ABI3BP: variants seen among roughly 807,000 people sequenced by gnomAD.
ABI3BP encodes the protein ABI family member 3 binding protein.
In ABI3BP, 216 loss-of-function variants were observed where a neutral mutation model predicts 268.6. The observed-to-expected ratio is 0.80, with a 90% CI of 0.72 to 0.90. The LOEUF (loss-of-function observed/expected upper bound fraction) is 0.90, where lower values mean the gene tolerates loss of function less well. Ranked by LOEUF, ABI3BP falls within the 40% of genes least tolerant of loss-of-function variation. The pLI, the probability that ABI3BP is intolerant of heterozygous loss-of-function variation, is 0.00. For synonymous variants in ABI3BP, 730 were observed against 730.0 expected, an observed-to-expected ratio of 1.00 and a Z score of 0.00; for missense variants, 2,090 against 2,182.4, an observed-to-expected ratio of 0.96 and a Z score of 0.84.
At chr3:100,844,917 A>T (rs1234445953) in intron 20 of ABI3BP, among the ~76,000 whole-genome samples, 3 of 152,202 alleles carry the variant, frequency 2.0e-5, no homozygotes, top group Non-Finnish European at 1.5e-5. Context: ...TTACAATGAT[A>T]AAAATATAAC....
At chr3:100,787,869 T>C in intron 56 of ABI3BP, 67 bp from the exon 57 acceptor site, 1 of 1,214,290 alleles carries the variant, frequency 8.2e-7, no homozygotes, top group African/African-American at 1.5e-5. Flanking sequence ...AAAAACAAAA[T>C]TTCTCAGAGA....
At chr3:100,912,310 A>C (rs1477895336) in intron 2 of ABI3BP, 1 of 155,668 alleles carries the variant, frequency 6.4e-6, no homozygotes, top group Non-Finnish European at 1.4e-5. Context: ...AAAAACAGAC[A>C]ACATAAAATG....
intron 1 of ABI3BP, among the ~76,000 whole-genome samples, chr3:100,934,354 T>G (rs9841117): frequency 0.12 from 17,650 of 152,196 alleles, 1,161 homozygotes; most frequent in Middle Eastern, 0.19. Context: ...GGTATATATG[T>G]GCCACATTTT....
At chr3:100,931,849 A>G (rs964554910) in intron 1 of ABI3BP, among the ~76,000 whole-genome samples, 2 of 152,058 alleles carry the variant, frequency 1.3e-5, no homozygotes, top group Non-Finnish European at 2.9e-5. Context: ...GAACTAGAAA[A>G]AACTATTCTA....
intron 1 of ABI3BP, among the ~76,000 whole-genome samples, chr3:100,968,564 T>C (rs890993066): frequency 3.4e-5 from 5 of 148,700 alleles, no homozygotes; most frequent in African/African-American, 1.2e-4. Context: ...GTTGAAATCT[T>C]GGTCTGTATC....
intron 54 of ABI3BP, among the ~76,000 whole-genome samples, chr3:100,794,503 T>G (rs1394171532): frequency 6.6e-6 from 1 of 151,864 alleles, no homozygotes; most frequent in Non-Finnish European, 1.5e-5. Context: ...TCTTTAAAAG[T>G]TTCTTGTTAG....
At chr3:100,799,382 T>C (rs2097453903) in intron 51 of ABI3BP, among the ~76,000 whole-genome samples, 1 of 152,172 alleles carries the variant, frequency 6.6e-6, no homozygotes, top group South Asian at 2.1e-4. Context: ...AAGGGCTGTT[T>C]ATAGGTTTTA....
At position 100,820,484 on chromosome 3, in the gene ABI3BP, A is replaced by C. The variant is rs146422089; in HGVS notation, c.2948-181T>G. 2.4e-3 allele frequency among the ~76,000 whole-genome samples: 342 copies of C among 143,430 alleles called. 4 individuals carry two copies. The highest frequency in any genetic ancestry group is 7.8e-3 in the African/African-American group (320 of 40,968). The allele number at this position is 143,430 out of a possible 152,430, so 94.1% of individuals were successfully genotyped here. A position where few individuals can be genotyped will look rare whatever the true frequency, so the allele number is the denominator to read the frequency against. On this transcript the variant is annotated intron_variant, in intron 39 of 67. Coordinates refer to ENST00000471714, the MANE Select transcript of ABI3BP (RefSeq NM_001375547.2). ...CAATTGAAGAAAGTTGATTGGGAGG[A>C]AGTGTCACATTCTAAAATGAAATTG...
intron 63 of ABI3BP, among the ~76,000 whole-genome samples, chr3:100,763,510 T>C (rs2149617143): frequency 6.6e-6 from 1 of 151,342 alleles, no homozygotes; most frequent in Middle Eastern, 3.5e-3. Context: ...GGCACTCCTC[T>C]GGGCTTTGCT....
intron 2 of ABI3BP, among the ~76,000 whole-genome samples, chr3:100,916,192 G>A (rs1009990124): frequency 7.2e-5 from 11 of 152,100 alleles, no homozygotes; most frequent in African/African-American, 2.2e-4. Context: ...TCATGTTATC[G>A]CTACAGGAAG....
chr3:100,960,805 T>C (rs1333600828), intron 1 of ABI3BP, among the ~76,000 whole-genome samples: 1 of 152,156 alleles, frequency 6.6e-6, no homozygotes, highest in African/African-American at 2.4e-5. Context: ...GGGTCCTCAT[T>C]TAATGACCAG....
In ABI3BP at chr3:100,808,215, C is replaced by T; in HGVS notation, c.3628G>A (p.Ala1210Thr). 1 of 1,610,864 alleles carries T rather than the reference C, an allele frequency of 6.2e-7. No individual in the cohort carries two copies. Among genetic ancestry groups the T allele is most frequent in the South Asian group, 1.1e-5 (1 of 90,816 alleles). The change falls in exon 50 of 68, where the codon GCT (alanine) becomes ACT (threonine). Residue 1210 changes from alanine to threonine, a missense_variant. Coordinates refer to ENST00000471714, the MANE Select transcript of ABI3BP (RefSeq NM_001375547.2). The stretch of plus-strand genomic sequence containing the variant: ...GGTGATGTTTTTGGCTTAGGAGGAG[C>T]ACGTGGTGTCTGCTTGGGAGCTAAA... ...TEPAPKQTPRAPPKPKTSPRP... is the reference protein window; with the variant it reads ...TEPAPKQTPRTPPKPKTSPRP...
Position 100,945,965 on chromosome 3 carries a change from A to G in ABI3BP, c.80-19484T>C, listed in dbSNP as rs577908279. ...TTCTCTTGCTTGAGGACCACTCCAA[A>G]TTGTGATCATCCAGAAAATGAGCTG... On this transcript the variant is annotated intron_variant, in intron 1 of 67. Coordinates refer to ENST00000471714, the MANE Select transcript of ABI3BP (RefSeq NM_001375547.2). 1.1e-3 allele frequency among the ~76,000 whole-genome samples: 168 copies of G among 152,292 alleles called. 2 individuals carry two copies. The highest frequency in any genetic ancestry group is 3.9e-3 in the African/African-American group (163 of 41,558).
intron 6 of ABI3BP, among the ~76,000 whole-genome samples, chr3:100,880,385 G>A (rs985888459): frequency 3.9e-5 from 6 of 152,226 alleles, no homozygotes; most frequent in Non-Finnish European, 7.3e-5. Context: ...TCTTCCTTCC[G>A]TAGTTCTTGT....
chr3:100,832,383 C>T (rs1001828700), intron 30 of ABI3BP, 33 bp from the exon 31 acceptor site: 1 of 1,518,714 alleles, frequency 6.6e-7, no homozygotes, highest in African/African-American at 1.4e-5. Context: ...TAATATGGTG[C>T]TGATGGCTCC....
chr3:100,785,400 C>T (rs2097002148), intron 57 of ABI3BP, among the ~76,000 whole-genome samples: 1 of 152,150 alleles, frequency 6.6e-6, no homozygotes, highest in African/African-American at 2.4e-5. Context: ...GGAAGGTGGA[C>T]TAAGGTAAGT....
At chr3:100,797,568 T>G (rs113115350) in intron 51 of ABI3BP, among the ~76,000 whole-genome samples, 60 of 140,998 alleles carry the variant, frequency 4.3e-4, no homozygotes, top group African/African-American at 1.4e-3. Flanking sequence ...AACTGTTTTT[T>G]TTTTTTTTTT....
intron 24 of ABI3BP, among the ~76,000 whole-genome samples, chr3:100,838,668 G>A (rs978686582): frequency 6.6e-6 from 1 of 152,092 alleles, no homozygotes; most frequent in Non-Finnish European, 1.5e-5. Flanking sequence ...ATTACTAAAT[G>A]CTCAAAATGT....
intron 67 of ABI3BP, among the ~76,000 whole-genome samples, chr3:100,751,210 ATTT>A (rs897152738): frequency 3.3e-5 from 5 of 152,036 alleles, no homozygotes; most frequent in Non-Finnish European, 7.4e-5. Flanking sequence ...TAGTTAAAAA[ATTT>A]TTTTTCTTAA....
Sources: gnomAD v4.1 joint callset for allele counts (sites outside exome capture counted in the v4.1 genomes callset) on GRCh38, gnomAD v4.1.1 for gene constraint, MANE v1.5 for transcripts, NCBI Gene and HGNC (gene_info 2026-07-23, HGNC 2026-07-21) for gene names.